RCBTB2: variants seen among roughly 807,000 people sequenced by gnomAD.
RCBTB2 encodes the protein RCC1 and BTB domain-containing protein 2.
RCBTB2 carries 55 observed loss-of-function variants against 65.4 expected under a neutral mutation model. The observed-to-expected ratio is 0.84, with a 90% confidence interval of 0.68 to 1.05. The LOEUF (loss-of-function observed/expected upper bound fraction) is 1.05. RCBTB2 is among the 50% of genes least tolerant of loss of function. RCBTB2 has a pLI of 0.00. For missense variants in RCBTB2, 599 were observed against 680.1 expected (o/e 0.88, Z 1.33); for synonymous variants, 220 against 255.2 (o/e 0.86, Z 1.31).
intron 14 of RCBTB2, among the ~76,000 whole-genome samples, chr13:48,492,283 C>G (rs924560540): frequency 6.6e-6 from 1 of 152,182 alleles, no homozygotes; most frequent in Admixed American, 6.5e-5. Flanking sequence ...GAAAGCAGAG[C>G]CCTTGCTCTG....
At chr13:48,527,360 T>TGA (rs1491482035) in intron 1 of RCBTB2, among the ~76,000 whole-genome samples, 1 of 114,644 alleles carries the variant, frequency 8.7e-6, no homozygotes, top group Non-Finnish European at 1.6e-5. Context: ...ATGATATATA[T>TGA]TTATATATGA....
intron 13 of RCBTB2, among the ~76,000 whole-genome samples, chr13:48,499,146 T>A (rs9568046): frequency 0.045 from 5,414 of 121,038 alleles, 239 homozygotes; most frequent in African/African-American, 0.16. Flanking sequence ...ACACACACTC[T>A]CTCTCTCTCT....
chr13:48,501,630 A>C, intron 12 of RCBTB2, 112 bp downstream of exon 12: 1 of 839,392 alleles, frequency 1.2e-6, no homozygotes. Flanking sequence ...GTAAGAGCAA[A>C]AACAGCCTTA....
chr13:48,513,217 A>ACTCC (rs1950903837), intron 6 of RCBTB2, among the ~76,000 whole-genome samples: 1 of 152,128 alleles, frequency 6.6e-6, no homozygotes, highest in African/African-American at 2.4e-5. Flanking sequence ...AGGCCACTTA[A>ACTCC]CTCCCCTAGG....
rs773567696 is a variant in RCBTB2 at position 48,502,778 on chromosome 13, C to T, written c.1063G>A (p.Asp355Asn). ...GGCGTGGCAAAGCAGGCAAACACGT[C>T]GTCAGTGCAGGAGAAGTGGGTGAGG... ...PHLTHFSCTD[D>N]VFACFATPAV... The change falls in exon 11 of 15, where the codon GAC (aspartate) becomes AAC (asparagine). Residue 355 changes from aspartate to asparagine, a missense_variant. By Grantham distance (23) the Asp-to-Asn change is conservative. Coordinates refer to ENST00000344532, the MANE Select transcript of RCBTB2 (RefSeq NM_001268.4). The T allele has an allele frequency of 9.9e-6, 16 of 1,613,748 alleles. No individual in the cohort carries two copies. The Middle Eastern group carries it at 4.9e-4, about 50-fold the overall frequency.
At position 48,521,885 on chromosome 13, in the gene RCBTB2, A is replaced by AT. The variant is rs1469470485; in HGVS notation, c.42+12dup. On this transcript the variant is annotated intron_variant, in intron 4 of 14. Coordinates refer to ENST00000344532, the MANE Select transcript of RCBTB2 (RefSeq NM_001268.4). ...AGAACACACATGCTCCAAGGGCATG[A>AT]TTTTTTTCTAACCTTGCCACTGTCT... The AT allele has an allele frequency of 5.0e-6, 8 of 1,613,078 alleles. No homozygotes were observed. The highest frequency in any genetic ancestry group is 6.8e-6 in the Non-Finnish European group (8 of 1,179,342).
intron 4 of RCBTB2, among the ~76,000 whole-genome samples, chr13:48,520,531 A>G (rs999852352): frequency 3.3e-5 from 5 of 152,186 alleles, no homozygotes; most frequent in African/African-American, 7.2e-5. Context: ...CTTTTCTCAC[A>G]TCTAGTCCAC....
chr13:48,521,872 C>T, intron 4 of RCBTB2, 26 bp downstream of exon 4: 1 of 1,610,040 alleles, frequency 6.2e-7, no homozygotes, highest in Non-Finnish European at 8.5e-7. Context: ...AACACACATG[C>T]TCCAAGGGCA....
At position 48,493,315 on chromosome 13, in the gene RCBTB2, A is replaced by ACTCTCTCCCTCTCTCTCT. The variant is rs1555297880; in HGVS notation, c.1515+2875_1515+2876insAGAGAGAGAGGGAGAGAG. Among the ~76,000 whole-genome samples, 7 of 75,028 alleles carry ACTCTCTCCCTCTCTCTCT rather than the reference A, an allele frequency of 9.3e-5. 1 individual carries two copies. Among genetic ancestry groups the ACTCTCTCCCTCTCTCTCT allele is most frequent in the African/African-American group, 4.2e-4 (7 of 16,638 alleles). 49.2% of individuals were successfully genotyped at this position (75,028 alleles called of 152,430 possible). ...CACACACACACACACACACACACAC[A>ACTCTCTCCCTCTCTCTCT]CTCTCTCTCTCTCTCTCTCTCTCTC... On this transcript the variant is annotated intron_variant, in intron 14 of 14. Coordinates refer to ENST00000344532, the MANE Select transcript of RCBTB2 (RefSeq NM_001268.4).
upstream of RCBTB2, among the ~76,000 whole-genome samples, chr13:48,533,915 T>C (rs898595764): frequency 3.3e-5 from 5 of 152,238 alleles, no homozygotes; most frequent in Admixed American, 1.3e-4. Flanking sequence ...CACTGGTTCC[T>C]CTACAGTGTA....
chr13:48,491,206 T>C (rs1188448806), intron 14 of RCBTB2, among the ~76,000 whole-genome samples: 1 of 152,176 alleles, frequency 6.6e-6, no homozygotes, highest in Non-Finnish European at 1.5e-5. Context: ...TTTTCTTCTT[T>C]AGACATAAAT....
At chr13:48,498,044 G>A (rs992683925) in intron 13 of RCBTB2, among the ~76,000 whole-genome samples, 4 of 152,230 alleles carry the variant, frequency 2.6e-5, no homozygotes, top group Non-Finnish European at 5.9e-5. Context: ...AATTGGCCTT[G>A]AGGCCACATG....
intron 4 of RCBTB2, among the ~76,000 whole-genome samples, chr13:48,521,617 A>T (rs1951428733): frequency 6.6e-6 from 1 of 152,200 alleles, no homozygotes; most frequent in African/African-American, 2.4e-5. Context: ...GCAGGCCAGC[A>T]CTGTCTGAAT....
intron 14 of RCBTB2, among the ~76,000 whole-genome samples, chr13:48,493,315 A>ACACACACACACACTCTCT (rs759504798): frequency 1.3e-5 from 1 of 75,028 alleles, no homozygotes; most frequent in African/African-American, 6.0e-5. Context: ...ACACACACAC[A>ACACACACACACACTCTCT]CTCTCTCTCT....
intron 1 of RCBTB2, among the ~76,000 whole-genome samples, chr13:48,527,373 T>TC (rs1311748488): frequency 2.1e-5 from 3 of 145,338 alleles, no homozygotes; most frequent in African/African-American, 5.2e-5. Flanking sequence ...ATATATGATA[T>TC]ATATATATGA....
intron 13 of RCBTB2, among the ~76,000 whole-genome samples, chr13:48,496,790 A>G (rs868029974): frequency 1.2e-4 from 12 of 96,104 alleles, no homozygotes; most frequent in African/African-American, 2.7e-4. Context: ...GGAGAAGAGA[A>G]GAGGGGAGGG....
At chr13:48,492,846 T>C (rs1949758881) in intron 14 of RCBTB2, among the ~76,000 whole-genome samples, 1 of 152,222 alleles carries the variant, frequency 6.6e-6, no homozygotes, top group Non-Finnish European at 1.5e-5. Flanking sequence ...CACTGCCTCA[T>C]AGCTTTGACT....
chr13:48,532,536 C>G (rs974994289), intron 1 of RCBTB2: 2 of 168,242 alleles, frequency 1.2e-5, no homozygotes, highest in Non-Finnish European at 2.6e-5. Flanking sequence ...GAGGGAGAAA[C>G]TTCAGGCAGG....
intron 11 of RCBTB2, 37 bp downstream of exon 11, chr13:48,502,687 T>C: frequency 1.9e-6 from 3 of 1,565,654 alleles, no homozygotes; most frequent in Non-Finnish European, 2.6e-6. Context: ...TTCCCAGATT[T>C]TCAGGCCATC....
Sources: allele counts gnomAD v4.1 joint callset (sites outside exome capture counted in the v4.1 genomes callset), GRCh38; gene constraint gnomAD v4.1.1; transcripts MANE v1.5; gene names NCBI Gene and HGNC (gene_info 2026-07-23, HGNC 2026-07-21).